Variants in TRAK1 observed in about 807,000 individuals in gnomAD.
The protein encoded by TRAK1 is trafficking kinesin-binding protein 1.
Under a neutral mutation model 92.1 loss-of-function variants are expected in TRAK1, and 33 were observed. The observed-to-expected ratio is 0.36, with a 90% confidence interval of 0.27 to 0.48. The LOEUF is 0.48. TRAK1 is among the 20% of genes least tolerant of loss of function. The pLI is 0.99. For synonymous variants in TRAK1, 521 were observed against 517.3 expected (o/e 1.01, Z -0.10); for missense variants, 1,123 against 1,257.9 (o/e 0.89, Z 1.62).
At chr3:42,105,173 C>G (rs1485539575) in intron 1 of TRAK1, among the ~76,000 whole-genome samples, 1 of 152,142 alleles carries the variant, frequency 6.6e-6, no homozygotes, top group South Asian at 2.1e-4. Context: ...AGGCTGGTCT[C>G]GAACTCCTGA....
intron 1 of TRAK1, among the ~76,000 whole-genome samples, chr3:42,076,856 C>A (rs927382996): frequency 3.3e-5 from 5 of 152,096 alleles, no homozygotes; most frequent in Admixed American, 3.3e-4. Flanking sequence ...TATGGATAGC[C>A]AGTTATCCCA....
chr3:42,068,389 C>T (rs765401739), intron 1 of TRAK1, among the ~76,000 whole-genome samples: 9 of 152,168 alleles, frequency 5.9e-5, no homozygotes, highest in Non-Finnish European at 1.0e-4. Context: ...TGGTCTCGAA[C>T]TTTTGGCCTT....
intron 2 of TRAK1, among the ~76,000 whole-genome samples, chr3:42,175,983 T>C (rs1235553061): frequency 6.6e-6 from 1 of 152,216 alleles, no homozygotes; most frequent in South Asian, 2.1e-4. Context: ...CGCTACCTTC[T>C]TGGTGTTTGT....
intron 1 of TRAK1, among the ~76,000 whole-genome samples, chr3:42,069,922 C>T (rs1373895897): frequency 6.6e-6 from 1 of 151,554 alleles, no homozygotes; most frequent in East Asian, 1.9e-4. Flanking sequence ...CGCAGTCTCC[C>T]CTCACTGCAA....
At chr3:42,133,401 C>A (rs1697472250) in intron 2 of TRAK1, among the ~76,000 whole-genome samples, 1 of 152,106 alleles carries the variant, frequency 6.6e-6, no homozygotes, top group Non-Finnish European at 1.5e-5. Flanking sequence ...TTTATTATTT[C>A]TCGAGACTGG....
chr3:42,144,702 A>G (rs955514724), intron 2 of TRAK1, among the ~76,000 whole-genome samples: 1 of 152,236 alleles, frequency 6.6e-6, no homozygotes, highest in African/African-American at 2.4e-5. Flanking sequence ...TAACTTTAAC[A>G]AAATTTATTC....
chr3:42,025,970 T>C (rs182041833), intron 1 of TRAK1, among the ~76,000 whole-genome samples: 16 of 152,314 alleles, frequency 1.1e-4, no homozygotes, highest in Non-Finnish European at 1.6e-4. Flanking sequence ...TTTTTTCTTT[T>C]CTTTCTTCCT....
chr3:42,017,951 T>TC (rs1701586380), intron 1 of TRAK1, among the ~76,000 whole-genome samples: 1 of 152,078 alleles, frequency 6.6e-6, no homozygotes, highest in African/African-American at 2.4e-5. Flanking sequence ...ACTTTTTTTT[T>TC]CTTAAATAGA....
At chr3:42,132,602 C>T (rs1447835552) in intron 2 of TRAK1, among the ~76,000 whole-genome samples, 2 of 151,794 alleles carry the variant, frequency 1.3e-5, no homozygotes, top group Non-Finnish European at 2.9e-5. Flanking sequence ...GTTTTTTTCC[C>T]CCTGAATATT....
chr3:42,193,292 T>C, intron 8 of TRAK1, 87 bp downstream of exon 8: 1 of 1,547,060 alleles, frequency 6.5e-7, no homozygotes, highest in South Asian at 1.2e-5. Context: ...CAGTGCTCTT[T>C]AGTTTCATAT....
At chr3:42,033,070 A>C (rs1211821897) in intron 1 of TRAK1, among the ~76,000 whole-genome samples, 1 of 152,204 alleles carries the variant, frequency 6.6e-6, no homozygotes, top group African/African-American at 2.4e-5. Context: ...TTGTTCTGGA[A>C]GTATTAGCAC....
intron 1 of TRAK1, among the ~76,000 whole-genome samples, chr3:42,116,880 C>T (rs1709231479): frequency 6.6e-6 from 1 of 152,160 alleles, no homozygotes; most frequent in Non-Finnish European, 1.5e-5. Context: ...GGTCCCTTTT[C>T]TTGTTCTTTG....
chr3:42,036,657 T>C (rs1702336675), intron 1 of TRAK1, among the ~76,000 whole-genome samples: 6 of 152,330 alleles, frequency 3.9e-5, no homozygotes, highest in Middle Eastern at 3.4e-3. Flanking sequence ...AGGGGAAAAT[T>C]AGCGTGTTTC....
chr3:42,068,983 T>C (rs144265339), intron 1 of TRAK1, among the ~76,000 whole-genome samples: 163 of 152,248 alleles, frequency 1.1e-3, no homozygotes, highest in African/African-American at 3.4e-3. Context: ...GGAAGTACTT[T>C]AGGAAATGCA....
At chr3:42,110,270 C>G (rs952901347) in intron 1 of TRAK1, among the ~76,000 whole-genome samples, 1 of 151,500 alleles carries the variant, frequency 6.6e-6, no homozygotes, top group Non-Finnish European at 1.5e-5. Flanking sequence ...GTGGCTGGAG[C>G]CACACAAACA....
intron 1 of TRAK1, among the ~76,000 whole-genome samples, chr3:42,054,689 A>G (rs926944283): frequency 2.0e-5 from 3 of 152,108 alleles, no homozygotes; most frequent in South Asian, 2.1e-4. Flanking sequence ...TATTTTATAT[A>G]TAGTAGAAAT....
chr3:42,168,086 C>A (rs1310435889), intron 2 of TRAK1, among the ~76,000 whole-genome samples: 1 of 152,134 alleles, frequency 6.6e-6, no homozygotes, highest in Non-Finnish European at 1.5e-5. Flanking sequence ...AAGTCAAATT[C>A]TTCTCAGTTA....
intron 10 of TRAK1, among the ~76,000 whole-genome samples, chr3:42,195,305 G>T (rs1399228419): frequency 6.6e-6 from 1 of 152,210 alleles, no homozygotes; most frequent in Non-Finnish European, 1.5e-5. Context: ...CTGACATGAT[G>T]CATTGTAGAC....
intron 1 of TRAK1, among the ~76,000 whole-genome samples, chr3:42,094,845 A>T (rs557253354): frequency 6.6e-6 from 1 of 152,296 alleles, no homozygotes; most frequent in South Asian, 2.1e-4. Flanking sequence ...GGCAAGCTGG[A>T]GGCCTGGGAG....
Sources: gnomAD v4.1 joint callset for allele counts (sites outside exome capture counted in the v4.1 genomes callset) on GRCh38, gnomAD v4.1.1 for gene constraint, MANE v1.5 for transcripts, NCBI Gene and HGNC (gene_info 2026-07-23, HGNC 2026-07-21) for gene names.